Variants in LPP observed in about 807,000 individuals in gnomAD.
The protein encoded by LPP is lipoma-preferred partner.
LPP carries 38 observed loss-of-function variants against 60.4 expected under a neutral mutation model. That is an observed-to-expected ratio of 0.63 (90% CI 0.49 to 0.83). The LOEUF is 0.83. Among genes scored for constraint, LPP ranks in the 40% least tolerant of loss-of-function variants. LPP has a pLI of 0.00. For missense variants in LPP, 902 were observed against 783.6 expected, an observed-to-expected ratio of 1.15 and a Z score of -1.80; for synonymous variants, 328 against 290.8, an observed-to-expected ratio of 1.13 and a Z score of -1.30.
intron 8 of LPP, among the ~76,000 whole-genome samples, chr3:188,751,829 C>T (rs6762043): frequency 0.089 from 13,527 of 152,152 alleles, 748 homozygotes; most frequent in African/African-American, 0.15. Context: ...CCATAAAAAG[C>T]GCTGAATAAA....
rs564907187 is a variant in LPP at position 188,836,732 on chromosome 3, A to G, written c.1411-29468A>G. The stretch of plus-strand genomic sequence containing the variant: ...TTTTGTGTTCTTTGCAGTAGAGTCC[A>G]AATAAATATAAATTAAAATGTTTCC... On this transcript the variant is annotated intron_variant, in intron 9 of 11. Transcript: ENST00000617246. 1.7e-3 allele frequency among the ~76,000 whole-genome samples: 254 copies of G among 152,364 alleles called. 1 individual carries two copies. The highest frequency in any genetic ancestry group is 3.0e-3 in the Non-Finnish European group (202 of 68,036).
intron 6 of LPP, among the ~76,000 whole-genome samples, chr3:188,548,459 A>G (rs1827240298): frequency 2.0e-5 from 3 of 152,148 alleles, no homozygotes; most frequent in Admixed American, 6.5e-5. Flanking sequence ...GGTATCTATC[A>G]TATTGCATGG....
chr3:188,545,255 T>TAAA (rs1181781219), intron 6 of LPP, among the ~76,000 whole-genome samples: 2 of 84,148 alleles, frequency 2.4e-5, no homozygotes, highest in Non-Finnish European at 4.9e-5. Context: ...AAAGTATAAT[T>TAAA]AAAAAAAAAA....
intron 2 of LPP, among the ~76,000 whole-genome samples, chr3:188,321,504 T>A (rs923918841): frequency 6.6e-6 from 1 of 152,214 alleles, no homozygotes; most frequent in Non-Finnish European, 1.5e-5. Flanking sequence ...GTTCTAATAA[T>A]ATTGTCATTA....
chr3:188,621,225 T>C (rs1377520707), intron 7 of LPP, among the ~76,000 whole-genome samples: 1 of 152,172 alleles, frequency 6.6e-6, no homozygotes, highest in African/African-American at 2.4e-5. Context: ...TTATTTTAGA[T>C]ACAGGGGATA....
chr3:188,533,708 G>C (rs970206932), intron 6 of LPP, among the ~76,000 whole-genome samples: 17 of 152,106 alleles, frequency 1.1e-4, no homozygotes, highest in Non-Finnish European at 2.2e-4. Flanking sequence ...TCTTCACAAT[G>C]CCCATGTTTT....
intron 5 of LPP, among the ~76,000 whole-genome samples, chr3:188,521,882 C>A (rs1818968978): frequency 6.6e-6 from 1 of 152,112 alleles, no homozygotes; most frequent in African/African-American, 2.4e-5. Flanking sequence ...AAATTTATGT[C>A]TACTATAATA....
intron 1 of LPP, among the ~76,000 whole-genome samples, chr3:188,169,140 A>G (rs1234672880): frequency 1.3e-5 from 2 of 152,234 alleles, no homozygotes; most frequent in South Asian, 2.1e-4. Flanking sequence ...AACTTTTTCA[A>G]TCTTTTCTTT....
intron 3 of LPP, among the ~76,000 whole-genome samples, chr3:188,392,915 A>C (rs1417080632): frequency 6.6e-6 from 1 of 152,168 alleles, no homozygotes; most frequent in Non-Finnish European, 1.5e-5. Flanking sequence ...AATTCTTCTG[A>C]CTTTTCCCTC....
intron 7 of LPP, among the ~76,000 whole-genome samples, chr3:188,615,795 G>A (rs972162676): frequency 1.3e-5 from 2 of 152,144 alleles, no homozygotes; most frequent in African/African-American, 4.8e-5. Flanking sequence ...GTGAGAGATG[G>A]TATCTCATTG....
In LPP at chr3:188,887,646, G is replaced by T. The variant is rs1003622010; in HGVS notation, c.*13167G>T. The T allele has an allele frequency of 4.7e-6, 1 of 212,432 alleles. No individual in the cohort carries two copies. The highest frequency in any genetic ancestry group is 9.5e-6 in the Non-Finnish European group (1 of 104,978). The allele number at this position is 212,432 out of a possible 1,614,324, so 13.2% of individuals were successfully genotyped here. On this transcript the variant is annotated 3_prime_UTR_variant, in exon 12 of 12. Transcript: ENST00000617246. ...GTGCCAAAAATAGTTAAAGTGCCTT[G>T]GTCCTCCCTCTGTAGGCAGCAAATT...
intron 6 of LPP, among the ~76,000 whole-genome samples, chr3:188,606,919 G>A (rs1267571876): frequency 6.6e-6 from 1 of 152,062 alleles, no homozygotes; most frequent in African/African-American, 2.4e-5. Flanking sequence ...AATGGAGACA[G>A]TGACTGAGCA....
At chr3:188,635,674 A>G (rs1405994415) in intron 7 of LPP, among the ~76,000 whole-genome samples, 1 of 152,192 alleles carries the variant, frequency 6.6e-6, no homozygotes, top group Non-Finnish European at 1.5e-5. Context: ...TTGGAATCTG[A>G]TATAGTGAGA....
intron 4 of LPP, among the ~76,000 whole-genome samples, chr3:188,408,678 T>C (rs1784236489): frequency 6.6e-6 from 1 of 152,222 alleles, no homozygotes; most frequent in Admixed American, 6.5e-5. Context: ...CTGTCCCATA[T>C]TGAACATGTA....
intron 7 of LPP, among the ~76,000 whole-genome samples, chr3:188,696,270 A>T (rs909862068): frequency 6.6e-6 from 1 of 151,716 alleles, no homozygotes; most frequent in Non-Finnish European, 1.5e-5. Flanking sequence ...TCATCCATTG[A>T]TACACTTGAA....
At chr3:188,759,731 G>C (rs6787235) in intron 8 of LPP, among the ~76,000 whole-genome samples, 4,707 of 151,940 alleles carry the variant, frequency 0.031, 244 homozygotes, top group African/African-American at 0.11. Context: ...AGACTCTTCT[G>C]TACTGTTTTA....
intron 9 of LPP, among the ~76,000 whole-genome samples, chr3:188,862,158 A>G (rs1045528626): frequency 6.6e-6 from 1 of 152,196 alleles, no homozygotes; most frequent in Non-Finnish European, 1.5e-5. Flanking sequence ...GACTTCCTAT[A>G]CTTTCCCACA....
chr3:188,839,801 C>A (rs1305478146), intron 9 of LPP, among the ~76,000 whole-genome samples: 2 of 152,110 alleles, frequency 1.3e-5, no homozygotes, highest in African/African-American at 4.8e-5. Flanking sequence ...TCCCTTGAAC[C>A]AGGGAGTCGG....
At chr3:188,169,678 G>C (rs1720984617) in intron 1 of LPP, among the ~76,000 whole-genome samples, 1 of 152,132 alleles carries the variant, frequency 6.6e-6, no homozygotes, top group Non-Finnish European at 1.5e-5. Flanking sequence ...AAAGTTATTT[G>C]ATCATAGAAC....
Sources: gnomAD v4.1 joint callset for allele counts (sites outside exome capture counted in the v4.1 genomes callset) on GRCh38, gnomAD v4.1.1 for gene constraint, MANE v1.5 for transcripts, NCBI Gene and HGNC (gene_info 2026-07-23, HGNC 2026-07-21) for gene names.